Variants in MBD5 observed in about 807,000 individuals in gnomAD.
The protein encoded by MBD5 is methyl-CpG-binding domain protein 5.
MBD5 carries 13 observed loss-of-function variants against 117.3 expected under a neutral mutation model. That is an observed-to-expected ratio of 0.11 (90% CI 0.07 to 0.18). The LOEUF is 0.18. Among genes scored for constraint, MBD5 ranks in the 10% least tolerant of loss-of-function variants. The pLI, the probability that MBD5 is intolerant of heterozygous loss-of-function variation, is 1.00. For synonymous variants in MBD5, 727 were observed against 766.4 expected (o/e 0.95, Z 0.85); for missense variants, 1,879 against 2,093.8 (o/e 0.90, Z 2.00).
At chr2:148,048,864 T>A (rs12691772) in intron 1 of MBD5, among the ~76,000 whole-genome samples, 8 of 151,830 alleles carry the variant, frequency 5.3e-5, no homozygotes, top group Non-Finnish European at 1.2e-4. Flanking sequence ...GGGTATGAGA[T>A]AAGCCTCTCT....
chr2:148,105,696 A>G (rs527526718), intron 1 of MBD5, among the ~76,000 whole-genome samples: 2 of 151,732 alleles, frequency 1.3e-5, no homozygotes, highest in South Asian at 2.1e-4. Flanking sequence ...TCATTAATTT[A>G]TCTTATTTTG....
chr2:148,255,040 G>A (rs1700552219), intron 3 of MBD5, among the ~76,000 whole-genome samples: 1 of 152,218 alleles, frequency 6.6e-6, no homozygotes, highest in Non-Finnish European at 1.5e-5. Flanking sequence ...GCTGCTGCTG[G>A]AAGGGTGGTA....
chr2:148,398,360 G>A (rs1704800520), intron 4 of MBD5, among the ~76,000 whole-genome samples: 1 of 150,248 alleles, frequency 6.7e-6, no homozygotes, highest in Non-Finnish European at 1.5e-5. Context: ...CTGGTGAGAT[G>A]GTATCTCATT....
rs140610708 is a variant in MBD5 at position 148,368,535 on chromosome 2, G to A, written c.-557+26199G>A. 7.0e-3 allele frequency among the ~76,000 whole-genome samples: 1,065 copies of A among 152,160 alleles called. 7 individuals carry two copies. The highest frequency in any genetic ancestry group is 0.011 in the Non-Finnish European group (773 of 67,992). The stretch of plus-strand genomic sequence containing the variant: ...AAATATTTAAAAAGAGCATCAAAAT[G>A]TGTTTCACAATAGTTACCTTCTGCT... On this transcript the variant is annotated intron_variant, in intron 4 of 13. Coordinates refer to ENST00000642680, the MANE Select transcript of MBD5 (RefSeq NM_001378120.1).
intron 2 of MBD5, among the ~76,000 whole-genome samples, chr2:148,221,617 T>A (rs1374862208): frequency 6.6e-6 from 1 of 152,232 alleles, no homozygotes; most frequent in East Asian, 1.9e-4. Context: ...GATTATCAGA[T>A]TTTTTCCCAT....
chr2:148,187,642 G>A (rs1474537536), intron 2 of MBD5, among the ~76,000 whole-genome samples: 1 of 152,044 alleles, frequency 6.6e-6, no homozygotes, highest in Non-Finnish European at 1.5e-5. Context: ...ATAATGGAAT[G>A]AGATCGGTAT....
At chr2:148,327,165 T>C (rs901271601) in intron 3 of MBD5, among the ~76,000 whole-genome samples, 3 of 152,136 alleles carry the variant, frequency 2.0e-5, no homozygotes, top group Non-Finnish European at 2.9e-5. Context: ...AATATTGGCC[T>C]GAACTCTCTT....
At chr2:148,138,585 C>T (rs1174544200) in intron 1 of MBD5, among the ~76,000 whole-genome samples, 9 of 152,128 alleles carry the variant, frequency 5.9e-5, no homozygotes, top group Admixed American at 6.6e-5. Context: ...CATTATAGAA[C>T]ACAAAATGAA....
intron 3 of MBD5, among the ~76,000 whole-genome samples, chr2:148,278,614 A>G (rs1701169302): frequency 1.3e-5 from 2 of 152,054 alleles, no homozygotes; most frequent in South Asian, 4.1e-4. Flanking sequence ...CCTAAATTCT[A>G]TTTTTTAAAA....
At chr2:148,320,325 G>A (rs984079826) in intron 3 of MBD5, among the ~76,000 whole-genome samples, 1 of 151,974 alleles carries the variant, frequency 6.6e-6, no homozygotes, top group African/African-American at 2.4e-5. Context: ...GGGAGTTTGG[G>A]TTTGTTGTTG....
intron 1 of MBD5, among the ~76,000 whole-genome samples, chr2:148,121,809 T>TC (rs1442200503): frequency 6.6e-6 from 1 of 152,166 alleles, no homozygotes; most frequent in Non-Finnish European, 1.5e-5. Context: ...TTCTAGGCTT[T>TC]CTTATCCACG....
chr2:148,430,663 CAG>C (rs1484909166), intron 4 of MBD5, among the ~76,000 whole-genome samples: 5 of 151,938 alleles, frequency 3.3e-5, no homozygotes, highest in Non-Finnish European at 7.4e-5. Flanking sequence ...TATTTATTTT[CAG>C]AGATTTTATA....
At chr2:148,484,202 TA>T (rs1008099679) in intron 9 of MBD5, 67 bp downstream of exon 9, 7 of 1,291,018 alleles carry the variant, frequency 5.4e-6, no homozygotes, top group Non-Finnish European at 6.1e-6. Context: ...TTCTCCTTTT[TA>T]AAAACTCCAT....
chr2:148,381,608 T>C (rs1475551206), intron 4 of MBD5, among the ~76,000 whole-genome samples: 3 of 152,016 alleles, frequency 2.0e-5, no homozygotes, highest in Admixed American at 1.3e-4. Flanking sequence ...ATACAGAGAA[T>C]GCCACAAAGA....
At chr2:148,073,276 G>C (rs560441377) in intron 1 of MBD5, among the ~76,000 whole-genome samples, 4 of 152,220 alleles carry the variant, frequency 2.6e-5, no homozygotes, top group African/African-American at 9.6e-5. Flanking sequence ...TTTGGGGTAG[G>C]GGGTAGCAGG....
intron 3 of MBD5, among the ~76,000 whole-genome samples, chr2:148,319,433 T>C (rs1248313026): frequency 6.6e-6 from 1 of 152,132 alleles, no homozygotes; most frequent in African/African-American, 2.4e-5. Context: ...GATTTTTTCA[T>C]CAGTGTTTTG....
chr2:148,426,489 A>G (rs1705791473), intron 4 of MBD5, among the ~76,000 whole-genome samples: 1 of 152,220 alleles, frequency 6.6e-6, no homozygotes, highest in Non-Finnish European at 1.5e-5. Flanking sequence ...GCCCTCAGAA[A>G]TAATGCCACA....
chr2:148,417,259 T>A (rs115248428), intron 4 of MBD5, among the ~76,000 whole-genome samples: 9 of 150,646 alleles, frequency 6.0e-5, no homozygotes, highest in African/African-American at 2.2e-4. Flanking sequence ...AGTATCTGGG[T>A]CTACAGACAT....
chr2:148,033,069 G>T (rs180721377), intron 1 of MBD5, among the ~76,000 whole-genome samples: 1 of 152,296 alleles, frequency 6.6e-6, no homozygotes, highest in African/African-American at 2.4e-5. Flanking sequence ...GGACAGCTTA[G>T]AAGATCCTTA....
Sources: allele counts gnomAD v4.1 joint callset (sites outside exome capture counted in the v4.1 genomes callset), GRCh38; gene constraint gnomAD v4.1.1; transcripts MANE v1.5; gene names NCBI Gene and HGNC (gene_info 2026-07-23, HGNC 2026-07-21).